NKAIN2: variants seen among roughly 807,000 people sequenced by gnomAD.
The protein encoded by NKAIN2 is sodium/potassium transporting ATPase interacting 2.
A neutral mutation model predicts 32.6 loss-of-function variants in NKAIN2; 14 were observed. The observed-to-expected ratio is 0.43, with a 90% CI of 0.28 to 0.67. The LOEUF (loss-of-function observed/expected upper bound fraction) is 0.67. Among genes scored for constraint, NKAIN2 ranks in the 30% least tolerant of loss-of-function variants. The pLI is 0.17. For synonymous variants in NKAIN2, 80 were observed against 87.2 expected (o/e 0.92, Z 0.46); for missense variants, 198 against 258.3 (o/e 0.77, Z 1.60).
intron 1 of NKAIN2, among the ~76,000 whole-genome samples, chr6:124,160,249 T>C (rs1309272572): frequency 1.3e-5 from 2 of 152,142 alleles, no homozygotes; most frequent in Non-Finnish European, 2.9e-5. Flanking sequence ...CTTTTCTTTT[T>C]CTCACTAAGC....
chr6:124,366,928 GAAAA>G (rs5879729), intron 3 of NKAIN2, among the ~76,000 whole-genome samples: 1 of 131,916 alleles, frequency 7.6e-6, no homozygotes. Flanking sequence ...ACCCTGTCTC[GAAAA>G]AAAAAAAAAA....
chr6:124,166,950 G>A (rs1376659550), intron 1 of NKAIN2, among the ~76,000 whole-genome samples: 10 of 149,734 alleles, frequency 6.7e-5, no homozygotes, highest in South Asian at 4.2e-4. Flanking sequence ...GTCAGGTAGC[G>A]TGATGCCTCC....
rs544179900 is a variant in NKAIN2 at position 124,232,615 on chromosome 6, GTC to G, written c.55-50386_55-50385del. Among the ~76,000 whole-genome samples, 491 of 152,240 alleles carry G rather than the reference GTC, an allele frequency of 3.2e-3. 2 individuals are homozygous for G. The highest frequency in any genetic ancestry group is 0.014 in the Middle Eastern group (4 of 292). ...AGAAACAAATCTTTAATCTAAGTCTGTCTCTATGTTATCCCCCCACTTTCCTG... is the reference window on the plus strand; with the variant it reads ...AGAAACAAATCTTTAATCTAAGTCTGTCTATGTTATCCCCCCACTTTCCTG... On this transcript the variant is annotated intron_variant, in intron 1 of 6. Coordinates refer to ENST00000368417, the MANE Select transcript of NKAIN2 (RefSeq NM_001040214.3).
At chr6:124,241,797 A>G (rs2114774295) in intron 1 of NKAIN2, among the ~76,000 whole-genome samples, 1 of 151,892 alleles carries the variant, frequency 6.6e-6, no homozygotes, top group African/African-American at 2.4e-5. Context: ...TGTAAAATCT[A>G]TTTAATATAT....
intron 1 of NKAIN2, among the ~76,000 whole-genome samples, chr6:123,824,002 C>A (rs1430087315): frequency 6.6e-6 from 1 of 152,088 alleles, no homozygotes. Context: ...GAAGTAAGAT[C>A]CTTGGGGTTT....
intron 3 of NKAIN2, among the ~76,000 whole-genome samples, chr6:124,644,408 CTT>C (rs34696279): frequency 5.3e-4 from 74 of 139,822 alleles, no homozygotes; most frequent in Non-Finnish European, 6.1e-4. Context: ...CTTTTCTTTT[CTT>C]TTTTTTTTTT....
At chr6:124,521,073 A>G (rs1447632135) in intron 3 of NKAIN2, among the ~76,000 whole-genome samples, 2 of 152,112 alleles carry the variant, frequency 1.3e-5, no homozygotes. Flanking sequence ...ACAAATCATG[A>G]AGTCTGCAAA....
chr6:123,932,406 C>CTTTTTTTTTTTTTTTTTTTTTTTTTTTT (rs57063550), intron 1 of NKAIN2, among the ~76,000 whole-genome samples: 1 of 104,392 alleles, frequency 9.6e-6, no homozygotes, highest in African/African-American at 4.2e-5. Context: ...TTCTGTCTTT[C>CTTTTTTTTTTTTTTTTTTTTTTTTTTTT]TTTTTTTTTT....
intron 1 of NKAIN2, among the ~76,000 whole-genome samples, chr6:124,074,196 C>T (rs187864990): frequency 1.4e-4 from 21 of 152,278 alleles, no homozygotes; most frequent in Admixed American, 1.4e-3. Flanking sequence ...ACCAGGAAAG[C>T]TCAATAGTGA....
chr6:123,821,871 G>A (rs1285860249), intron 1 of NKAIN2, among the ~76,000 whole-genome samples: 7 of 152,094 alleles, frequency 4.6e-5, no homozygotes, highest in Non-Finnish European at 1.0e-4. Flanking sequence ...GAGTAGCAGG[G>A]GATGGATTAT....
chr6:124,378,293 G>A (rs930472764), intron 3 of NKAIN2, among the ~76,000 whole-genome samples: 7 of 152,154 alleles, frequency 4.6e-5, no homozygotes, highest in African/African-American at 1.7e-4. Context: ...AGGATTCATG[G>A]TGTGTCATTT....
intron 1 of NKAIN2, 118 bp downstream of exon 1, chr6:123,804,372 C>A: frequency 2.3e-6 from 2 of 883,006 alleles, no homozygotes; most frequent in Non-Finnish European, 3.8e-6. Context: ...GAGAAGGTGA[C>A]AGATATATTG....
At chr6:123,814,094 T>A (rs1157584079) in intron 1 of NKAIN2, among the ~76,000 whole-genome samples, 1 of 152,164 alleles carries the variant, frequency 6.6e-6, no homozygotes, top group African/African-American at 2.4e-5. Context: ...TATTTATGAG[T>A]TTGCCTTTTC....
intron 2 of NKAIN2, among the ~76,000 whole-genome samples, chr6:124,349,447 T>G (rs560430038): frequency 6.6e-6 from 1 of 152,208 alleles, no homozygotes; most frequent in African/African-American, 2.4e-5. Flanking sequence ...GAGCTGATAC[T>G]AGTTTTGCAT....
chr6:124,557,200 G>A (rs1020857655), intron 3 of NKAIN2, among the ~76,000 whole-genome samples: 2 of 152,014 alleles, frequency 1.3e-5, no homozygotes, highest in Non-Finnish European at 2.9e-5. Context: ...AAAAAATAAC[G>A]GTGAGAATAA....
At chr6:124,215,818 A>G (rs1456149337) in intron 1 of NKAIN2, among the ~76,000 whole-genome samples, 1 of 152,098 alleles carries the variant, frequency 6.6e-6, no homozygotes, top group African/African-American at 2.4e-5. Context: ...CCTCTAGAAG[A>G]CTGTTAAAGA....
chr6:124,626,269 G>T (rs1210080122), intron 3 of NKAIN2, among the ~76,000 whole-genome samples: 1 of 151,928 alleles, frequency 6.6e-6, no homozygotes, highest in Non-Finnish European at 1.5e-5. Flanking sequence ...AAGGTGAGGG[G>T]CCAGATTCCC....
At chr6:124,538,136 T>G (rs1026616521) in intron 3 of NKAIN2, among the ~76,000 whole-genome samples, 1 of 152,030 alleles carries the variant, frequency 6.6e-6, no homozygotes, top group Admixed American at 6.5e-5. Context: ...TTATAGTCAA[T>G]AGTTAGTTTA....
intron 4 of NKAIN2, among the ~76,000 whole-genome samples, chr6:124,779,380 G>GAAGGAAGGAAGT (rs1172376022): frequency 7.0e-6 from 1 of 143,846 alleles, no homozygotes; most frequent in African/African-American, 2.6e-5. Flanking sequence ...AGGAAGGAAG[G>GAAGGAAGGAAGT]AAGTCCTCCT....
Sources: allele counts gnomAD v4.1 joint callset (sites outside exome capture counted in the v4.1 genomes callset), GRCh38; gene constraint gnomAD v4.1.1; transcripts MANE v1.5; gene names NCBI Gene and HGNC (gene_info 2026-07-23, HGNC 2026-07-21).